Variants in SGK3 observed in about 807,000 individuals in gnomAD.
SGK3 encodes serine/threonine-protein kinase Sgk3.
In SGK3, 47 loss-of-function variants were observed where a neutral mutation model predicts 68.5. The ratio of observed to expected loss-of-function variants is 0.69; its 90% CI spans 0.54 to 0.87. The LOEUF (loss-of-function observed/expected upper bound fraction) is 0.87. Ranked by LOEUF, SGK3 falls within the 40% of genes least tolerant of loss-of-function variation. The pLI, the probability that SGK3 is intolerant of heterozygous loss-of-function variation, is 0.00. For synonymous variants in SGK3, 181 were observed against 189.1 expected, an observed-to-expected ratio of 0.96 and a Z score of 0.35; for missense variants, 479 against 575.5, an observed-to-expected ratio of 0.83 and a Z score of 1.72.
intron 1 of SGK3, among the ~76,000 whole-genome samples, chr8:66,732,242 T>C (rs879665199): frequency 6.6e-6 from 1 of 152,240 alleles, no homozygotes; most frequent in East Asian, 1.9e-4. Flanking sequence ...TGTTTCAACA[T>C]ATAAACACCG....
At chr8:66,823,085 T>A (rs1487668059) in intron 6 of SGK3, among the ~76,000 whole-genome samples, 1 of 152,196 alleles carries the variant, frequency 6.6e-6, no homozygotes, top group African/African-American at 2.4e-5. Context: ...TTCTTTCCAA[T>A]CTTCTCTAAT....
intron 1 of SGK3, among the ~76,000 whole-genome samples, chr8:66,728,015 C>T (rs908236380): frequency 7.9e-5 from 12 of 152,042 alleles, no homozygotes; most frequent in Admixed American, 6.6e-4. Flanking sequence ...ATTCATATAC[C>T]ATTAAAGTTG....
chr8:66,721,741 T>C (rs557627866), intron 1 of SGK3, among the ~76,000 whole-genome samples: 2 of 152,302 alleles, frequency 1.3e-5, no homozygotes, highest in East Asian at 1.9e-4. Context: ...TATTTTTTTT[T>C]CCCAGTTAAA....
chr8:66,764,465 C>G (rs933491292), intron 1 of SGK3, among the ~76,000 whole-genome samples: 15 of 151,826 alleles, frequency 9.9e-5, no homozygotes, highest in African/African-American at 3.6e-4. Flanking sequence ...TGTACATTAT[C>G]TTTTGTTTTT....
chr8:66,797,967 C>A (rs1055514300), intron 2 of SGK3, among the ~76,000 whole-genome samples: 2 of 151,730 alleles, frequency 1.3e-5, no homozygotes, highest in African/African-American at 4.8e-5. Context: ...AAAATATCAC[C>A]TATTTTTTTC....
Position 66,860,597 on chromosome 8 carries a change from A to C in SGK3, c.*1016A>C, listed in dbSNP as rs1810713600. 2 of 152,368 alleles carry C rather than the reference A, an allele frequency of 1.3e-5. No individual in the cohort carries two copies. The highest frequency in any genetic ancestry group is 4.8e-5 in the African/African-American group (2 of 41,584). 9.4% of individuals were successfully genotyped at this position (152,368 alleles called of 1,614,324 possible). A position where few individuals can be genotyped will look rare whatever the true frequency, so the allele number is the denominator to read the frequency against. ...AGTATTCCCAAAGATCTGAAGGGTA[A>C]TAAAATGTACTGGATTTTTTAAGGT... On this transcript the variant is annotated 3_prime_UTR_variant, in exon 17 of 17. Transcript: ENST00000521198.
At position 66,822,470 on chromosome 8, in the gene SGK3, G is replaced by A; in HGVS notation, c.417+11G>A. On this transcript the variant is annotated intron_variant, in intron 6 of 16. Coordinates refer to ENST00000521198, the MANE Select transcript of SGK3 (RefSeq NM_001033578.3). ...AGAAGTTCTCAGAAGGTAGTAAGAGGAATTGCCTTTCTTAATAGAAAAAAT... is the reference window on the plus strand; with the variant it reads ...AGAAGTTCTCAGAAGGTAGTAAGAGAAATTGCCTTTCTTAATAGAAAAAAT... 3 of 1,605,872 alleles carry A rather than the reference G, an allele frequency of 1.9e-6. 1 individual carries two copies. Among genetic ancestry groups the A allele is most frequent in the South Asian group, 1.1e-5 (1 of 89,048 alleles).
At chr8:66,855,819 A>G (rs1418951501) in intron 16 of SGK3, among the ~76,000 whole-genome samples, 1 of 152,262 alleles carries the variant, frequency 6.6e-6, no homozygotes, top group Non-Finnish European at 1.5e-5. Flanking sequence ...CAGATTAACA[A>G]AGATCAAACA....
rs1585771212 is a variant in SGK3 at position 66,823,456 on chromosome 8, G to A, written c.417+997G>A. Among the ~76,000 whole-genome samples the A allele has an allele frequency of 2.7e-5, 4 of 149,008 alleles. No individual in the cohort carries two copies. The Admixed American group carries it at 2.7e-4, about 10-fold the overall frequency. On this transcript the variant is annotated intron_variant, in intron 6 of 16. Transcript: ENST00000521198. ...CACTGTTGCCTAGGCCAGAGTCAGT[G>A]GCGTGATCTTGGCTCACTGCAAGCT...
intron 1 of SGK3, among the ~76,000 whole-genome samples, chr8:66,741,242 G>A (rs908785654): frequency 6.6e-6 from 1 of 152,044 alleles, no homozygotes; most frequent in Non-Finnish European, 1.5e-5. Context: ...TAGTCTCAGA[G>A]TATAGACTTT....
At chr8:66,842,187 T>C (rs1342522315) in intron 13 of SGK3, among the ~76,000 whole-genome samples, 1 of 151,966 alleles carries the variant, frequency 6.6e-6, no homozygotes, top group African/African-American at 2.4e-5. Flanking sequence ...AATTTCATAG[T>C]TAAAATATTT....
chr8:66,742,122 G>A (rs1585654505), intron 1 of SGK3, among the ~76,000 whole-genome samples: 1 of 152,298 alleles, frequency 6.6e-6, no homozygotes, highest in East Asian at 1.9e-4. Flanking sequence ...AGTTTCTTAA[G>A]GCTGAATCTT....
intron 1 of SGK3, among the ~76,000 whole-genome samples, chr8:66,763,602 G>T (rs1439065818): frequency 6.6e-6 from 1 of 151,866 alleles, no homozygotes; most frequent in Non-Finnish European, 1.5e-5. Context: ...CCATGCTAGA[G>T]CTAGGAAATA....
intron 1 of SGK3, among the ~76,000 whole-genome samples, chr8:66,722,528 T>C (rs1321771264): frequency 1.3e-5 from 2 of 152,244 alleles, no homozygotes; most frequent in Non-Finnish European, 2.9e-5. Context: ...CACCTTGGCC[T>C]CCCAAATTGC....
At chr8:66,831,351 T>G (rs1342953740) in intron 8 of SGK3, 40 bp downstream of exon 8, 8 of 1,608,036 alleles carry the variant, frequency 5.0e-6, no homozygotes, top group Non-Finnish European at 6.8e-6. Flanking sequence ...GTTTTGGTTT[T>G]GGTTTTTTTT....
intron 1 of SGK3, among the ~76,000 whole-genome samples, chr8:66,744,664 C>A (rs1805596855): frequency 6.7e-6 from 1 of 150,156 alleles, no homozygotes; most frequent in Non-Finnish European, 1.5e-5. Context: ...TGCCACTATG[C>A]CTGACTAATT....
intron 4 of SGK3, among the ~76,000 whole-genome samples, chr8:66,808,513 ATTT>A (rs35147550): frequency 7.1e-6 from 1 of 140,942 alleles, no homozygotes. Context: ...AAATCCTGTA[ATTT>A]TTTTTTTTTT....
At chr8:66,742,225 C>G (rs776375054) in intron 1 of SGK3, among the ~76,000 whole-genome samples, 7 of 152,104 alleles carry the variant, frequency 4.6e-5, no homozygotes, top group African/African-American at 7.2e-5. Flanking sequence ...TGCTCTTTTC[C>G]TCAGGGCCTA....
intron 1 of SGK3, among the ~76,000 whole-genome samples, chr8:66,770,417 T>C (rs554197413): frequency 6.6e-6 from 1 of 152,348 alleles, no homozygotes; most frequent in African/African-American, 2.4e-5. Flanking sequence ...GCCTGGATTT[T>C]GATTTGAGAT....
Sources: gnomAD v4.1 joint callset for allele counts (sites outside exome capture counted in the v4.1 genomes callset) on GRCh38, gnomAD v4.1.1 for gene constraint, MANE v1.5 for transcripts, NCBI Gene and HGNC (gene_info 2026-07-23, HGNC 2026-07-21) for gene names.